FGF17: variants seen among roughly 807,000 people sequenced by gnomAD.
The protein encoded by FGF17 is fibroblast growth factor 17.
In FGF17, 5 loss-of-function variants were observed where a neutral mutation model predicts 23.5. The ratio of observed to expected loss-of-function variants is 0.21; its 90% confidence interval spans 0.11 to 0.45. FGF17 has a LOEUF of 0.45. FGF17 is among the 20% of genes least tolerant of loss of function. The probability of loss-of-function intolerance (pLI) is 0.99; values close to 1 mark genes in which losing one functional copy is unlikely to be tolerated. For missense variants in FGF17, 221 were observed against 306.9 expected, an observed-to-expected ratio of 0.72 and a Z score of 2.09; for synonymous variants, 136 against 123.0, an observed-to-expected ratio of 1.11 and a Z score of -0.70.
At chr8:22,043,725 T>C in intron 2 of FGF17, among the ~76,000 whole-genome samples, 1 of 151,144 alleles carries the variant, frequency 6.6e-6, no homozygotes, top group African/African-American at 2.4e-5. Flanking sequence ...AGGGTTCGCT[T>C]CTCCACACTC....
In FGF17 at chr8:22,048,163, G is replaced by A; in HGVS notation, c.565G>A (p.Ala189Thr). 1.2e-6 allele frequency: 2 copies of A among 1,613,204 alleles called. No homozygotes were observed. The highest frequency in any genetic ancestry group is 1.7e-6 in the Non-Finnish European group (2 of 1,179,770). Residue 189 changes from alanine (A) to threonine (T), a missense_variant, in exon 5 of 5, where the codon GCC (alanine) becomes ACC (threonine). Ala to Thr is a moderately conservative substitution (Grantham distance 58). Transcript: ENST00000359441. The surrounding 1 kb of genome is among the most constrained non-coding windows in gnomAD (Gnocchi z 6.9). ...AGGCCAGCTGCCCTTCCCCAACCAC[G>A]CCGAGAAGCAGAAGCAGTTCGAGTT... ...YQGQLPFPNH[A>T]EKQKQFEFVG...
chr8:22,047,962 G>C lies in FGF17; in HGVS notation c.364G>C (p.Gly122Arg), dbSNP rs1800986428. The change falls in exon 5 of 5, where the codon GGG becomes CGG. Residue 122 changes from glycine (G) to arginine (R), a missense_variant. Around this residue, in one of 3 missense-constraint regions of FGF17, gnomAD observed 128 missense variants for 150.4 expected, o/e 0.85. Coordinates refer to ENST00000359441, the MANE Select transcript of FGF17 (RefSeq NM_003867.4). Reference sequence around the variant, plus strand: ...GTCCTTGCTTCTCCCGCAGCCCAGCGGGAAGAGCAAAGACTGCGTGTTCAC... The same window carrying C: ...GTCCTTGCTTCTCCCGCAGCCCAGCCGGAAGAGCAAAGACTGCGTGTTCAC... ...KRGKLIGKPSGKSKDCVFTEI... is the reference protein window; with the variant it reads ...KRGKLIGKPSRKSKDCVFTEI... 2 of 1,598,884 alleles carry C rather than the reference G, an allele frequency of 1.3e-6. No homozygotes were observed. Among genetic ancestry groups the C allele is most frequent in the African/African-American group, 2.7e-5 (2 of 74,624 alleles).
At chr8:22,046,022 A>G (rs762466939) in intron 2 of FGF17, 92 bp from the exon 3 acceptor site, 2 of 1,608,446 alleles carry the variant, frequency 1.2e-6, no homozygotes, top group Non-Finnish European at 1.7e-6. Context: ...TGTCCCCACT[A>G]TATTCACCTC....
chr8:22,044,046 C>T (rs1224929410), intron 2 of FGF17, among the ~76,000 whole-genome samples: 1 of 151,860 alleles, frequency 6.6e-6, no homozygotes, highest in Non-Finnish European at 1.5e-5. Context: ...CTTCCTTCCC[C>T]CTTTTGCTCC....
chr8:22,045,166 ACTC>A (rs1293039263), intron 2 of FGF17: 30 of 984,334 alleles, frequency 3.0e-5, no homozygotes, highest in Non-Finnish European at 3.5e-5. Context: ...GGGAGGCGGT[ACTC>A]CTCCTGGCTT....
At chr8:22,040,224 T>C (rs10111773), upstream of FGF17, among the ~76,000 whole-genome samples, 1,937 of 152,334 alleles carry the variant, frequency 0.013, 51 homozygotes, top group African/African-American at 0.043. Context: ...CTGACGTGGA[T>C]GGCGGTGGTT....
chr8:22,046,721 GCCAC>G, intron 4 of FGF17, 88 bp downstream of exon 4: 2 of 847,690 alleles, frequency 2.4e-6, no homozygotes, highest in Non-Finnish European at 3.9e-6. Context: ...TCTCCTCTGA[GCCAC>G]ACACCCTCCT....
At chr8:22,046,767 A>G in intron 4 of FGF17, 134 bp downstream of exon 4, 1 of 649,118 alleles carries the variant, frequency 1.5e-6, no homozygotes, top group East Asian at 2.9e-5. Context: ...CTCTCAGCCC[A>G]CCCACTGGGC....
chr8:22,044,866 C>G (rs755691309), intron 2 of FGF17: 22 of 985,346 alleles, frequency 2.2e-5, no homozygotes, highest in Non-Finnish European at 2.4e-5. Flanking sequence ...GAGAGAGTAG[C>G]CCCTAACAGA....
intron 2 of FGF17, chr8:22,045,411 C>T (rs1800843873): frequency 2.0e-6 from 2 of 990,494 alleles, no homozygotes; most frequent in Non-Finnish European, 2.4e-6. Flanking sequence ...TGCCCAGCCC[C>T]AGCCCCAGCC....
intron 2 of FGF17, among the ~76,000 whole-genome samples, chr8:22,043,928 A>G (rs1215723886): frequency 6.6e-6 from 1 of 151,962 alleles, no homozygotes; most frequent in Non-Finnish European, 1.5e-5. Flanking sequence ...TTCTCTTCAT[A>G]TCCAGTGGGG....
Position 22,043,201 on chromosome 8 carries a change from G to A in FGF17, c.72+20G>A, listed in dbSNP as rs200097089. The A allele has an allele frequency of 1.8e-5, 29 of 1,612,444 alleles. No individual in the cohort carries two copies. The highest frequency in any genetic ancestry group is 2.2e-5 in the South Asian group (2 of 91,016). On this transcript the variant is annotated intron_variant, in intron 2 of 4. Coordinates refer to ENST00000359441, the MANE Select transcript of FGF17 (RefSeq NM_003867.4). ...ACTCAGGTAGGCGGGCATTCCCACC[G>A]GCTTTCCCCCAATTTTTCCACCCTA... is the stretch of plus-strand genomic sequence containing the variant.
chr8:22,045,658 G>C (rs1585536521), intron 2 of FGF17: 1 of 1,067,258 alleles, frequency 9.4e-7, no homozygotes, highest in East Asian at 8.1e-5. Flanking sequence ...GGCCAGTGGG[G>C]AGGATGAGGA....
At chr8:22,044,659 C>T (rs1800823082) in intron 2 of FGF17, 9 of 985,160 alleles carry the variant, frequency 9.1e-6, no homozygotes, top group Non-Finnish European at 1.1e-5. Flanking sequence ...GCAGGTCCCC[C>T]ACCCCAAATG....
intron 2 of FGF17, 189 bp from the exon 3 acceptor site, chr8:22,045,925 G>A (rs1048439965): frequency 2.4e-5 from 36 of 1,494,930 alleles, no homozygotes; most frequent in African/African-American, 5.6e-5. Context: ...TAAGGTAGAC[G>A]CAAAGCAAAG....
chr8:22,044,920 C>T (rs1800830450), intron 2 of FGF17: 1 of 985,426 alleles, frequency 1.0e-6, no homozygotes, highest in Non-Finnish European at 1.2e-6. Flanking sequence ...GAGGTTGGGC[C>T]TGGGATAAAG....
rs545377074 is a variant in FGF17 at position 22,048,357 on chromosome 8, G to A, written c.*108G>A. ...GGAGGGGAGCCAGATCCCCGAGGGA[G>A]GACCCTGAGGGCCGCGAAGCATCCG... is the stretch of plus-strand genomic sequence containing the variant. On this transcript the variant is annotated 3_prime_UTR_variant, in exon 5 of 5. Transcript: ENST00000359441. This position sits in a 1 kb window ranked among gnomAD's most constrained non-coding sequence, Gnocchi z 6.9. The A allele has an allele frequency of 1.0e-6, 1 of 1,003,528 alleles. No individual in the cohort carries two copies. The highest frequency in any genetic ancestry group is 2.6e-5 in the East Asian group (1 of 38,098). 62.2% of individuals were successfully genotyped at this position (1,003,528 alleles called of 1,614,324 possible).
At chr8:22,046,951 T>TTTTTTTA (rs1800889046) in intron 4 of FGF17, among the ~76,000 whole-genome samples, 1 of 16,580 alleles carries the variant, frequency 6.0e-5, no homozygotes, top group Non-Finnish European at 1.7e-4. Flanking sequence ...GCCCAGCTAA[T>TTTTTTTA]TTTTTTTTTT....
In FGF17 at chr8:22,048,363, T is replaced by G; in HGVS notation, c.*114T>G. 1 of 981,622 alleles carries G rather than the reference T, an allele frequency of 1.0e-6. No individual in the cohort carries two copies. Among genetic ancestry groups the G allele is most frequent in the South Asian group, 1.7e-5 (1 of 58,414 alleles). The allele number at this position is 981,622 out of a possible 1,614,324, so 60.8% of individuals were successfully genotyped here. A position where few individuals can be genotyped will look rare whatever the true frequency, so the allele number is the denominator to read the frequency against. On this transcript the variant is annotated 3_prime_UTR_variant, in exon 5 of 5. Transcript: ENST00000359441. The surrounding 1 kb of genome is among the most constrained non-coding windows in gnomAD (Gnocchi z 6.9). ...GAGCCAGATCCCCGAGGGAGGACCCTGAGGGCCGCGAAGCATCCGAGCCCC... is the reference window on the plus strand; with the variant it reads ...GAGCCAGATCCCCGAGGGAGGACCCGGAGGGCCGCGAAGCATCCGAGCCCC...
Sources: allele counts gnomAD v4.1 joint callset (sites outside exome capture counted in the v4.1 genomes callset), GRCh38; gene constraint gnomAD v4.1.1; regional missense constraint gnomAD v4.1.1; non-coding constraint Gnocchi (gnomAD v3.1); transcripts MANE v1.5; gene names NCBI Gene and HGNC (gene_info 2026-07-23, HGNC 2026-07-21).